PCMTD1: variants seen among roughly 807,000 people sequenced by gnomAD.
The protein encoded by PCMTD1 is protein-L-isoaspartate O-methyltransferase domain-containing protein 1.
In PCMTD1, 12 loss-of-function variants were observed where a neutral mutation model predicts 37.6. The observed-to-expected ratio is 0.32, with a 90% CI of 0.20 to 0.52. The LOEUF is 0.52. Ranked by LOEUF, PCMTD1 falls within the 20% of genes least tolerant of loss-of-function variation. PCMTD1 has a pLI of 0.97. For missense variants in PCMTD1, 235 were observed against 421.3 expected (o/e 0.56, Z 3.87); for synonymous variants, 117 against 135.8 (o/e 0.86, Z 0.96).
intron 1 of PCMTD1, among the ~76,000 whole-genome samples, chr8:51,891,033 T>C (rs1214702963): frequency 2.6e-5 from 4 of 152,212 alleles, no homozygotes; most frequent in African/African-American, 9.6e-5. Flanking sequence ...CTTTTCTTTA[T>C]CCATATTTTC....
chr8:51,833,995 AC>A (rs891338165), intron 3 of PCMTD1, among the ~76,000 whole-genome samples: 1 of 152,060 alleles, frequency 6.6e-6, no homozygotes, highest in African/African-American at 2.4e-5. Flanking sequence ...ATATTGTGAC[AC>A]CCCCCAAAAT....
chr8:51,835,363 C>A (rs961626299), intron 3 of PCMTD1, among the ~76,000 whole-genome samples: 3 of 152,156 alleles, frequency 2.0e-5, no homozygotes, highest in African/African-American at 7.2e-5. Context: ...ACAGCACACA[C>A]AAAATGTGAA....
chr8:51,878,250 G>T lies in PCMTD1; in HGVS notation c.-95-17004C>A, dbSNP rs147164946. Among the ~76,000 whole-genome samples the T allele has an allele frequency of 3.1e-3, 425 of 139,078 alleles. 13 individuals are homozygous for T. Among genetic ancestry groups the T allele is most frequent in the South Asian group, 0.012 (56 of 4,528 alleles). 91.2% of individuals were successfully genotyped at this position (139,078 alleles called of 152,430 possible). A position where few individuals can be genotyped will look rare whatever the true frequency, so the allele number is the denominator to read the frequency against. ...AAAATATTATGAGATTTTTTTTTTG[G>T]TTTTTTTTTTTTTTTAGCTCATCAG... is the stretch of plus-strand genomic sequence containing the variant. On this transcript the variant is annotated intron_variant, in intron 1 of 5. Transcript: ENST00000522514.
Position 51,861,035 on chromosome 8 carries a change from T to C in PCMTD1, c.117A>G (p.Gly39=). Reference sequence around the variant, plus strand: ...CTCTGTAGCCTTCCAAATAGTAATCTCCACGATCAATCGCTCTGAAGGCTT... The same window carrying C: ...CTCTGTAGCCTTCCAAATAGTAATCCCCACGATCAATCGCTCTGAAGGCTT... ...VEQAFRAIDR[G]DYYLEGYRDN... is the part of the protein sequence containing the mutation. The change falls in exon 2 of 6, where the codon GGA becomes GGG. Residue 39 remains glycine, a synonymous_variant. Coordinates refer to ENST00000522514, the MANE Select transcript of PCMTD1 (RefSeq NM_052937.4). The C allele has an allele frequency of 6.2e-7, 1 of 1,614,138 alleles. No homozygotes were observed. Among genetic ancestry groups the C allele is most frequent in the South Asian group, 1.1e-5 (1 of 91,082 alleles).
At chr8:51,886,198 C>T (rs992422984) in intron 1 of PCMTD1, among the ~76,000 whole-genome samples, 2 of 152,180 alleles carry the variant, frequency 1.3e-5, no homozygotes, top group African/African-American at 4.8e-5. Context: ...GCTATTTTTC[C>T]TTTCCCCTGT....
At chr8:51,878,634 A>G (rs2038748984) in intron 1 of PCMTD1, among the ~76,000 whole-genome samples, 1 of 152,160 alleles carries the variant, frequency 6.6e-6, no homozygotes, top group Non-Finnish European at 1.5e-5. Flanking sequence ...CTATAGTCCC[A>G]GCTACTCAGG....
intron 2 of PCMTD1, among the ~76,000 whole-genome samples, chr8:51,854,616 T>C (rs1225108654): frequency 1.3e-5 from 2 of 152,200 alleles, no homozygotes; most frequent in Non-Finnish European, 2.9e-5. Flanking sequence ...CAGTGGTTTA[T>C]GCCTGTAATC....
Position 51,819,339 on chromosome 8 carries a change from C to T in PCMTD1, c.*1012G>A, listed in dbSNP as rs1213229533. 1 of 151,806 alleles carries T rather than the reference C, an allele frequency of 6.6e-6. No homozygotes were observed. Among genetic ancestry groups the T allele is most frequent in the Non-Finnish European group, 1.5e-5 (1 of 67,974 alleles). 9.4% of individuals were successfully genotyped at this position (151,806 alleles called of 1,614,324 possible). On this transcript the variant is annotated 3_prime_UTR_variant, in exon 6 of 6. Coordinates refer to ENST00000522514, the MANE Select transcript of PCMTD1 (RefSeq NM_052937.4). ...ATCAAAAGCAAATGTAGGCTCAGCC[C>T]TACCTTGTCAAAGATAAATATTCAG...
chr8:51,878,221 T>C (rs1214298191), intron 1 of PCMTD1, among the ~76,000 whole-genome samples: 1 of 151,136 alleles, frequency 6.6e-6, no homozygotes, highest in African/African-American at 2.4e-5. Context: ...TCGTAAACTT[T>C]CTTAAAATAT....
intron 1 of PCMTD1, among the ~76,000 whole-genome samples, chr8:51,886,576 C>T (rs1178340789): frequency 6.6e-6 from 1 of 152,146 alleles, no homozygotes; most frequent in Non-Finnish European, 1.5e-5. Flanking sequence ...CAAGATTCTA[C>T]AAAAATGGGA....
At chr8:51,846,137 A>C (rs1318101402) in intron 2 of PCMTD1, among the ~76,000 whole-genome samples, 1 of 152,194 alleles carries the variant, frequency 6.6e-6, no homozygotes, top group East Asian at 1.9e-4. Context: ...TGGTAATTCA[A>C]AATACCTAAA....
At chr8:51,891,694 A>ATT (rs2038938801) in intron 1 of PCMTD1, among the ~76,000 whole-genome samples, 1 of 73,846 alleles carries the variant, frequency 1.4e-5, no homozygotes, top group Non-Finnish European at 4.0e-5. Context: ...ATACATATAT[A>ATT]TGTATATATA....
intron 1 of PCMTD1, among the ~76,000 whole-genome samples, chr8:51,882,830 A>G (rs1413853863): frequency 1.3e-5 from 2 of 151,434 alleles, no homozygotes; most frequent in African/African-American, 2.4e-5. Context: ...AAAAAAAAAA[A>G]AAAGAAATAA....
chr8:51,873,087 C>T (rs1452006697), intron 1 of PCMTD1, among the ~76,000 whole-genome samples: 1 of 152,126 alleles, frequency 6.6e-6, no homozygotes, highest in Non-Finnish European at 1.5e-5. Flanking sequence ...CGGATGAACA[C>T]AAGTGAAAGC....
chr8:51,823,512 G>C (rs1055695321), intron 5 of PCMTD1, among the ~76,000 whole-genome samples: 2 of 152,166 alleles, frequency 1.3e-5, no homozygotes, highest in African/African-American at 4.8e-5. Flanking sequence ...AAACCTTTTA[G>C]ATAAGTCTCA....
Position 51,817,926 on chromosome 8 carries a change from T to A in PCMTD1, c.*2425A>T, listed in dbSNP as rs1471850934. Reference sequence around the variant, plus strand: ...CCACGGTTCTAGGTCTGTTTTCTCATCTGCAAAATAAACACCCAAATTAGA... The same window carrying A: ...CCACGGTTCTAGGTCTGTTTTCTCAACTGCAAAATAAACACCCAAATTAGA... On this transcript the variant is annotated 3_prime_UTR_variant, in exon 6 of 6. Transcript: ENST00000522514. 4.4e-6 allele frequency: 2 copies of A among 456,814 alleles called. No individual in the cohort carries two copies. Among genetic ancestry groups the A allele is most frequent in the Non-Finnish European group, 8.8e-6 (2 of 226,990 alleles). The allele number at this position is 456,814 out of a possible 1,614,324, so 28.3% of individuals were successfully genotyped here.
intron 1 of PCMTD1, among the ~76,000 whole-genome samples, chr8:51,871,936 T>C (rs908354358): frequency 4.6e-5 from 7 of 152,232 alleles, no homozygotes; most frequent in African/African-American, 1.7e-4. Flanking sequence ...CACATTTTGA[T>C]ACATGGTGAG....
chr8:51,879,617 A>C (rs1361055664), intron 1 of PCMTD1, among the ~76,000 whole-genome samples: 1 of 152,184 alleles, frequency 6.6e-6, no homozygotes, highest in Non-Finnish European at 1.5e-5. Context: ...GTCACAAAAC[A>C]CCTGCCTCTG....
At chr8:51,827,569 T>C (rs79360980) in intron 5 of PCMTD1, among the ~76,000 whole-genome samples, 16 of 152,230 alleles carry the variant, frequency 1.1e-4, no homozygotes, top group African/African-American at 3.4e-4. Flanking sequence ...ATAATATATA[T>C]ACAGGATTTT....
Sources: gnomAD v4.1 joint callset for allele counts (sites outside exome capture counted in the v4.1 genomes callset) on GRCh38, gnomAD v4.1.1 for gene constraint, MANE v1.5 for transcripts, NCBI Gene and HGNC (gene_info 2026-07-23, HGNC 2026-07-21) for gene names.